The following ASIC5 variants were observed in gnomAD, a reference collection of about 807,000 sequenced individuals.
ASIC5 encodes acid sensing ion channel subunit family member 5, also known as bile acid-sensitive ion channel.
ASIC5 carries 52 observed loss-of-function variants against 51.2 expected under a neutral mutation model. The ratio of observed to expected loss-of-function variants is 1.02; its 90% CI spans 0.81 to 1.28. The LOEUF is 1.28. ASIC5 is among the 50% of genes most tolerant of loss of function. The pLI, the probability that ASIC5 is intolerant of heterozygous loss-of-function variation, is 0.00. For missense variants in ASIC5, 635 were observed against 595.0 expected (o/e 1.07, Z -0.70); for synonymous variants, 231 against 200.7 (o/e 1.15, Z -1.28).
At position 155,858,664 on chromosome 4, in the gene ASIC5, G is replaced by A. The variant is rs143332283; in HGVS notation, c.348-4350C>T. Among the ~76,000 whole-genome samples the A allele has an allele frequency of 4.7e-3, 712 of 152,146 alleles. 2 individuals are homozygous for A. Among genetic ancestry groups the A allele is most frequent in the Non-Finnish European group, 7.6e-3 (520 of 67,978 alleles). On this transcript the variant is annotated intron_variant, in intron 2 of 9. Transcript: ENST00000537611. ...AGACACAATATTTAAAGCGGAAAGC[G>A]TGGGCAGTAGGGGAAAAAGGAAAGA...
At chr4:155,844,557 T>C (rs1399337960) in intron 4 of ASIC5, among the ~76,000 whole-genome samples, 3 of 152,068 alleles carry the variant, frequency 2.0e-5, no homozygotes, top group Non-Finnish European at 2.9e-5. Context: ...TCATATAATT[T>C]GTGTGATCAC....
At chr4:155,841,983 T>C (rs1741129915) in intron 6 of ASIC5, among the ~76,000 whole-genome samples, 1 of 152,194 alleles carries the variant, frequency 6.6e-6, no homozygotes, top group Non-Finnish European at 1.5e-5. Flanking sequence ...ACTAAACTTC[T>C]GGTGACTTTG....
intron 2 of ASIC5, chr4:155,858,797 T>C (rs1483837219): frequency 6.6e-6 from 1 of 152,130 alleles, no homozygotes; most frequent in Non-Finnish European, 1.5e-5. Flanking sequence ...GGTAGTAGAA[T>C]AGTCAACTAT....
chr4:155,836,584 TC>T (rs573810138), intron 8 of ASIC5, 104 bp downstream of exon 8: 238 of 683,184 alleles, frequency 3.5e-4, no homozygotes, highest in Non-Finnish European at 5.0e-4. Context: ...AGCCATTGCC[TC>T]CCTTGATTGA....
intron 9 of ASIC5, among the ~76,000 whole-genome samples, chr4:155,830,684 CTT>C (rs1481704732): frequency 1.1e-4 from 17 of 152,114 alleles, no homozygotes; most frequent in African/African-American, 3.9e-4. Flanking sequence ...ATTCCATAAT[CTT>C]TATCTATTTG....
chr4:155,841,120 A>G (rs1216837584), intron 6 of ASIC5, among the ~76,000 whole-genome samples: 1 of 152,126 alleles, frequency 6.6e-6, no homozygotes, highest in Non-Finnish European at 1.5e-5. Context: ...AATCTCCCGC[A>G]CAGCCAGCTC....
intron 5 of ASIC5, among the ~76,000 whole-genome samples, 177 bp downstream of exon 5, chr4:155,843,504 G>A (rs1437505532): frequency 6.6e-6 from 1 of 152,032 alleles, no homozygotes; most frequent in African/African-American, 2.4e-5. Context: ...CACTTACATA[G>A]TTTCTGTTTC....
At chr4:155,856,461 A>G (rs758896225) in intron 2 of ASIC5, among the ~76,000 whole-genome samples, 1 of 152,084 alleles carries the variant, frequency 6.6e-6, no homozygotes, top group South Asian at 2.1e-4. Context: ...ACAGTCAATA[A>G]CTAATATTGT....
At chr4:155,842,623 A>G (rs2111238948) in intron 5 of ASIC5, among the ~76,000 whole-genome samples, 1 of 152,292 alleles carries the variant, frequency 6.6e-6, no homozygotes, top group African/African-American at 2.4e-5. Flanking sequence ...ATATAAGGAA[A>G]AAATATCATT....
chr4:155,833,280 G>A (rs1278657155), intron 8 of ASIC5, among the ~76,000 whole-genome samples: 1 of 152,120 alleles, frequency 6.6e-6, no homozygotes, highest in African/African-American at 2.4e-5. Flanking sequence ...AGTACCTCAT[G>A]ATTTTAAAAT....
chr4:155,839,385 G>A (rs969465889), intron 6 of ASIC5, among the ~76,000 whole-genome samples: 1 of 141,406 alleles, frequency 7.1e-6, no homozygotes, highest in Non-Finnish European at 1.5e-5. Context: ...ACACACACAC[G>A]TTCCTGACAG....
chr4:155,846,288 C>CT (rs898017999), intron 4 of ASIC5, among the ~76,000 whole-genome samples: 1 of 152,060 alleles, frequency 6.6e-6, no homozygotes, highest in African/African-American at 2.4e-5. Flanking sequence ...CTGCCAAACA[C>CT]TATAAAATGT....
intron 1 of ASIC5, chr4:155,864,525 T>A (rs982998659): frequency 2.6e-5 from 4 of 152,128 alleles, no homozygotes; most frequent in Admixed American, 2.6e-4. Context: ...AGGCAATGAA[T>A]CCCTTTGTGG....
At chr4:155,854,496 T>C (rs986223291) in intron 2 of ASIC5, among the ~76,000 whole-genome samples, 182 bp from the exon 3 acceptor site, 4 of 152,102 alleles carry the variant, frequency 2.6e-5, no homozygotes, top group African/African-American at 4.8e-5. Flanking sequence ...ATTAATCTTG[T>C]ATTTGCACAT....
intron 5 of ASIC5, among the ~76,000 whole-genome samples, chr4:155,843,394 A>T (rs1741164548): frequency 2.6e-5 from 4 of 152,078 alleles, no homozygotes; most frequent in African/African-American, 9.7e-5. Flanking sequence ...AGTCTCATTG[A>T]AGAATCATAG....
intron 3 of ASIC5, among the ~76,000 whole-genome samples, chr4:155,853,231 G>A (rs977851084): frequency 2.0e-5 from 3 of 151,978 alleles, no homozygotes; most frequent in Admixed American, 2.0e-4. Context: ...CAAGTTAAGA[G>A]TTTAGGCCAG....
At position 155,854,325 on chromosome 4, in the gene ASIC5, G is replaced by T; in HGVS notation, c.348-11C>A. ...GCATCTGTTTGGAACCTATTAGCAG[G>T]AATGAAGGCAATAGTTAGAATAATG... On this transcript the variant is annotated splice_polypyrimidine_tract_variant and intron_variant, in intron 2 of 9. Coordinates refer to ENST00000537611, the MANE Select transcript of ASIC5 (RefSeq NM_017419.3). 6.7e-7 allele frequency: 1 copy of T among 1,502,410 alleles called. No homozygotes were observed. The highest frequency in any genetic ancestry group is 1.1e-5 in the South Asian group (1 of 87,910). 93.1% of individuals were successfully genotyped at this position (1,502,410 alleles called of 1,614,324 possible). A position where few individuals can be genotyped will look rare whatever the true frequency, so the allele number is the denominator to read the frequency against.
intron 4 of ASIC5, among the ~76,000 whole-genome samples, chr4:155,844,326 C>A (rs577357261): frequency 7.9e-5 from 12 of 151,840 alleles, no homozygotes; most frequent in South Asian, 2.1e-4. Flanking sequence ...AACAAACAAA[C>A]AAAAAAAACT....
intron 3 of ASIC5, among the ~76,000 whole-genome samples, 192 bp from the exon 4 acceptor site, chr4:155,852,508 A>G (rs1484338568): frequency 6.6e-6 from 1 of 150,828 alleles, no homozygotes; most frequent in East Asian, 2.0e-4. Flanking sequence ...GTCAATTTGC[A>G]TGTGATTATT....
Sources: allele counts gnomAD v4.1 joint callset (sites outside exome capture counted in the v4.1 genomes callset), GRCh38; gene constraint gnomAD v4.1.1; transcripts MANE v1.5; gene names NCBI Gene and HGNC (gene_info 2026-07-23, HGNC 2026-07-21).